Variants in MCM6 observed in about 807,000 individuals in gnomAD.
MCM6 encodes DNA replication licensing factor MCM6.
A neutral mutation model predicts 94.3 loss-of-function variants in MCM6; 46 were observed. The ratio of observed to expected loss-of-function variants is 0.49; its 90% CI spans 0.39 to 0.62. The LOEUF (loss-of-function observed/expected upper bound fraction) is 0.62. MCM6 is among the 20% of genes least tolerant of loss of function. MCM6 has a pLI of 0.00. For synonymous variants in MCM6, 335 were observed against 351.9 expected, an observed-to-expected ratio of 0.95 and a Z score of 0.54; for missense variants, 865 against 1,017.9, an observed-to-expected ratio of 0.85 and a Z score of 2.04.
At chr2:135,849,080 T>A (rs557940111) in intron 13 of MCM6, among the ~76,000 whole-genome samples, 1 of 152,332 alleles carries the variant, frequency 6.6e-6, no homozygotes, top group African/African-American at 2.4e-5. Flanking sequence ...ATAACGGTAT[T>A]TGTGGTACTC....
In MCM6 at chr2:135,852,895, G is replaced by A. The variant is rs1575360744; in HGVS notation, c.1647C>T (p.Ala549=). The A allele has an allele frequency of 6.2e-7, 1 of 1,608,180 alleles. No homozygotes were observed. The highest frequency in any genetic ancestry group is 8.5e-7 in the Non-Finnish European group (1 of 1,177,720). ...TTGAATGCAAATCTACTATGCGCCT[G>A]GCAATGGCATAATCTGTAACCTAAT... ...ECNEVTDYAI[A]RRIVDLHSRI... is the part of the protein sequence containing the mutation. Residue 549 remains alanine (A), a synonymous_variant, in exon 12 of 17, where the codon GCC becomes GCT. Transcript: ENST00000264156.
At chr2:135,859,056 A>G (rs2105583451) in intron 9 of MCM6, among the ~76,000 whole-genome samples, 1 of 152,100 alleles carries the variant, frequency 6.6e-6, no homozygotes, top group South Asian at 2.1e-4. Context: ...ATGCCCGGCT[A>G]ATTTTTGTAT....
chr2:135,846,154 G>C, intron 15 of MCM6, 83 bp downstream of exon 15: 1 of 1,376,260 alleles, frequency 7.3e-7, no homozygotes. Context: ...AGAACAACAC[G>C]AAGTTTGGCA....
At chr2:135,850,144 T>C (rs1348512338) in intron 13 of MCM6, among the ~76,000 whole-genome samples, 1 of 152,194 alleles carries the variant, frequency 6.6e-6, no homozygotes, top group Non-Finnish European at 1.5e-5. Context: ...AGAATGACCT[T>C]GTCCCAGGGT....
At position 135,859,384 on chromosome 2, in the gene MCM6, C is replaced by G. The variant is rs774371187; in HGVS notation, c.1279G>C (p.Ala427Pro). The change falls in exon 9 of 17, where the codon GCT becomes CCT. Residue 427 changes from alanine (A) to proline (P), a missense_variant. Coordinates refer to ENST00000264156, the MANE Select transcript of MCM6 (RefSeq NM_005915.6). ...VYTSGKASSA[A>P]GLTAAVVRDE... ...CTCACAACAGCTGCTGTTAAGCCAG[C>G]AGCACTGGACGCTTTACCACTGGTG... The G allele has an allele frequency of 1.9e-6, 3 of 1,613,118 alleles. No individual in the cohort carries two copies. The highest frequency in any genetic ancestry group is 1.7e-5 in the Admixed American group (1 of 60,022).
At chr2:135,841,037 G>T in intron 16 of MCM6, 86 bp from the exon 17 acceptor site, 1 of 926,518 alleles carries the variant, frequency 1.1e-6, no homozygotes, top group Non-Finnish European at 1.7e-6. Context: ...TCTTCCGAGT[G>T]TTTGCTATCA....
At chr2:135,841,443 A>T (rs1382308744) in intron 16 of MCM6, among the ~76,000 whole-genome samples, 4 of 152,196 alleles carry the variant, frequency 2.6e-5, no homozygotes, top group Non-Finnish European at 5.9e-5. Flanking sequence ...AAAAAGGTAG[A>T]ACATGCCATC....
chr2:135,854,467 T>C (rs1204036352), intron 11 of MCM6, among the ~76,000 whole-genome samples: 1 of 130,938 alleles, frequency 7.6e-6, no homozygotes, highest in Non-Finnish European at 1.6e-5. Context: ...GAGGCGGAGG[T>C]TGCAGTGAGG....
In MCM6 at chr2:135,840,685, G is replaced by A; in HGVS notation, c.*150C>T. 1 of 604,064 alleles carries A rather than the reference G, an allele frequency of 1.7e-6. No individual in the cohort carries two copies. 37.4% of individuals were successfully genotyped at this position (604,064 alleles called of 1,614,324 possible). ...AAACCTGTGATGAATGTGACACATAGGACCATCAACTCAATTCTTGTTTCT... is the reference window on the plus strand; with the variant it reads ...AAACCTGTGATGAATGTGACACATAAGACCATCAACTCAATTCTTGTTTCT... On this transcript the variant is annotated 3_prime_UTR_variant, in exon 17 of 17. Coordinates refer to ENST00000264156, the MANE Select transcript of MCM6 (RefSeq NM_005915.6).
chr2:135,872,680 G>A lies in MCM6; in HGVS notation c.254+17C>T. ...TTCAACCCCTATTCAAAGTAAAGAA[G>A]ATTAATATGCCCATACCTATAGAAC... On this transcript the variant is annotated intron_variant, in intron 2 of 16. Coordinates refer to ENST00000264156, the MANE Select transcript of MCM6 (RefSeq NM_005915.6). 1.2e-6 allele frequency: 2 copies of A among 1,612,110 alleles called. No individual in the cohort carries two copies. Among genetic ancestry groups the A allele is most frequent in the Non-Finnish European group, 1.7e-6 (2 of 1,179,278 alleles).
At chr2:135,849,548 G>A (rs1376799180) in intron 13 of MCM6, among the ~76,000 whole-genome samples, 1 of 152,194 alleles carries the variant, frequency 6.6e-6, no homozygotes, top group Non-Finnish European at 1.5e-5. Flanking sequence ...TTAAAACAGA[G>A]CAAGCTGATT....
At chr2:135,865,875 G>A (rs1050020146) in intron 6 of MCM6, among the ~76,000 whole-genome samples, 4 of 152,108 alleles carry the variant, frequency 2.6e-5, no homozygotes, top group African/African-American at 9.7e-5. Flanking sequence ...TGTTTCTTAA[G>A]CTGTCACTCT....
In MCM6 at chr2:135,855,358, GAACCA is replaced by G. The variant is rs4988223; in HGVS notation, c.1626+1365_1626+1369del. 1.8e-4 allele frequency among the ~76,000 whole-genome samples: 28 copies of G among 152,086 alleles called. No homozygotes were observed. The South Asian group carries it at 4.1e-3, about 23-fold the overall frequency. ...TCTCTCTTGTGAAGGGAAAAAAAGT[GAACCA>G]AACCAAACCAAACCAAACCAAACCA... On this transcript the variant is annotated intron_variant, in intron 11 of 16. Transcript: ENST00000264156.
chr2:135,851,794 G>C (rs1251865561), intron 12 of MCM6: 1 of 338,086 alleles, frequency 3.0e-6, no homozygotes, highest in African/African-American at 2.1e-5. Flanking sequence ...AAAAGGCTTA[G>C]TATTTAAGCA....
chr2:135,850,257 G>C (rs999559456), intron 13 of MCM6, among the ~76,000 whole-genome samples: 1 of 151,958 alleles, frequency 6.6e-6, no homozygotes, highest in Non-Finnish European at 1.5e-5. Context: ...ATTCATCTCA[G>C]CACTCTGGTT....
chr2:135,861,817 C>T (rs1269183777), intron 8 of MCM6, among the ~76,000 whole-genome samples: 2 of 152,246 alleles, frequency 1.3e-5, no homozygotes, highest in African/African-American at 2.4e-5. Context: ...GGGGTTTCAC[C>T]GTGTTAGCCA....
intron 1 of MCM6, 132 bp from the exon 2 acceptor site, chr2:135,872,975 G>A (rs1421787842): frequency 9.4e-7 from 1 of 1,066,090 alleles, no homozygotes; most frequent in African/African-American, 1.6e-5. Context: ...CTGTAACTTG[G>A]GGCAAGTTAC....
At chr2:135,870,570 GTC>G (rs1238730642) in intron 2 of MCM6, among the ~76,000 whole-genome samples, 1 of 152,146 alleles carries the variant, frequency 6.6e-6, no homozygotes, top group African/African-American at 2.4e-5. Context: ...AATATAAAAT[GTC>G]ATACCATACC....
At position 135,876,379 on chromosome 2, in the gene MCM6, C is replaced by G. The variant is rs1477840907; in HGVS notation, c.-14G>C. ...CGCGAGGTCCATATTTGCTTAGTGC[C>G]GAGGATTCGCCTGCGCCACGCTCGA... On this transcript the variant is annotated 5_prime_UTR_variant, in exon 1 of 17. Transcript: ENST00000264156. 1.5e-5 allele frequency: 24 copies of G among 1,590,758 alleles called. No individual in the cohort carries two copies. Among genetic ancestry groups the G allele is most frequent in the Admixed American group, 7.0e-5 (4 of 57,520 alleles).
Sources: gnomAD v4.1 joint callset for allele counts (sites outside exome capture counted in the v4.1 genomes callset) on GRCh38, gnomAD v4.1.1 for gene constraint, MANE v1.5 for transcripts, NCBI Gene and HGNC (gene_info 2026-07-23, HGNC 2026-07-21) for gene names.